The following SCFD2 variants were observed in gnomAD, a reference collection of about 807,000 sequenced individuals.
SCFD2 encodes the protein sec1 family domain containing 2, also known as sec1 family domain-containing protein 2.
A neutral mutation model predicts 58.9 loss-of-function variants in SCFD2; 54 were observed. The ratio of observed to expected loss-of-function variants is 0.92; its 90% CI spans 0.74 to 1.15. The LOEUF (loss-of-function observed/expected upper bound fraction) is 1.15, where lower values mean the gene tolerates loss of function less well. SCFD2 is among the 50% of genes most tolerant of loss of function. The pLI, the probability that SCFD2 is intolerant of heterozygous loss-of-function variation, is 0.00. For synonymous variants in SCFD2, 321 were observed against 335.9 expected (o/e 0.96, Z 0.49); for missense variants, 805 against 836.6 (o/e 0.96, Z 0.47).
intron 4 of SCFD2, among the ~76,000 whole-genome samples, chr4:53,176,735 A>C (rs1484470576): frequency 1.3e-5 from 2 of 152,128 alleles, no homozygotes; most frequent in African/African-American, 4.8e-5. Context: ...GAATCACCTG[A>C]GTTCAGGAGT....
intron 6 of SCFD2, among the ~76,000 whole-genome samples, chr4:52,916,905 G>GT: frequency 6.6e-6 from 1 of 152,186 alleles, no homozygotes; most frequent in East Asian, 1.9e-4. Context: ...GAAGTTTTTT[G>GT]TTTTTTGTTT....
intron 6 of SCFD2, among the ~76,000 whole-genome samples, chr4:52,916,680 A>G (rs1480386142): frequency 1.3e-5 from 2 of 152,212 alleles, no homozygotes; most frequent in African/African-American, 2.4e-5. Context: ...CTTTTAAAAC[A>G]AATGGGTGTC....
At chr4:53,245,622 T>A (rs1460702871) in intron 4 of SCFD2, among the ~76,000 whole-genome samples, 2 of 151,988 alleles carry the variant, frequency 1.3e-5, no homozygotes, top group Non-Finnish European at 2.9e-5. Flanking sequence ...ACAAACTAAG[T>A]ATTGCAGGAA....
chr4:53,098,500 C>A (rs956331106), intron 5 of SCFD2, among the ~76,000 whole-genome samples: 4 of 152,032 alleles, frequency 2.6e-5, no homozygotes, highest in African/African-American at 9.7e-5. Flanking sequence ...AGTTTATTTG[C>A]GCAGAGGTGT....
At chr4:52,989,835 C>G (rs1002673943) in intron 5 of SCFD2, among the ~76,000 whole-genome samples, 1 of 152,160 alleles carries the variant, frequency 6.6e-6, no homozygotes, top group South Asian at 2.1e-4. Context: ...TGCCCCCTCC[C>G]ACCATCTCTG....
At chr4:53,296,465 T>C (rs1423018813) in intron 3 of SCFD2, among the ~76,000 whole-genome samples, 4 of 152,234 alleles carry the variant, frequency 2.6e-5, no homozygotes, top group Non-Finnish European at 5.9e-5. Flanking sequence ...ATTGTATGTC[T>C]GTGGGATCGG....
At chr4:53,064,619 A>G (rs1056390679) in intron 5 of SCFD2, among the ~76,000 whole-genome samples, 1 of 152,168 alleles carries the variant, frequency 6.6e-6, no homozygotes, top group Non-Finnish European at 1.5e-5. Context: ...ACAGTAAGAC[A>G]TAGTGGTTGA....
intron 4 of SCFD2, among the ~76,000 whole-genome samples, chr4:53,247,500 CAATGAAAGACTGGATA>C (rs1190828548): frequency 1.2e-4 from 19 of 152,302 alleles, no homozygotes; most frequent in African/African-American, 4.6e-4. Flanking sequence ...AAATGCCCAT[CAATGAAAGACTGGATA>C]AAGAAAATGT....
At chr4:53,205,882 A>AAT (rs1728391443) in intron 4 of SCFD2, among the ~76,000 whole-genome samples, 2 of 152,086 alleles carry the variant, frequency 1.3e-5, no homozygotes, top group African/African-American at 4.8e-5. Flanking sequence ...AGATGGGCAA[A>AAT]AAGTTAGTAA....
At chr4:52,932,536 G>A (rs1239320934) in intron 5 of SCFD2, among the ~76,000 whole-genome samples, 2 of 152,134 alleles carry the variant, frequency 1.3e-5, no homozygotes, top group Admixed American at 1.3e-4. Flanking sequence ...GGGAATAGTA[G>A]TGTCTTTTTT....
At chr4:53,003,602 A>G (rs1385504655) in intron 5 of SCFD2, among the ~76,000 whole-genome samples, 3 of 152,222 alleles carry the variant, frequency 2.0e-5, no homozygotes, top group African/African-American at 7.2e-5. Flanking sequence ...ATTAAATGTT[A>G]GAGTAGAGTG....
chr4:52,923,061 G>A (rs917824688), intron 5 of SCFD2, among the ~76,000 whole-genome samples: 3 of 152,226 alleles, frequency 2.0e-5, no homozygotes, highest in African/African-American at 7.2e-5. Flanking sequence ...TGGCATGTGA[G>A]AAGCTCAGCT....
chr4:53,137,147 C>T (rs1725966638), intron 5 of SCFD2, among the ~76,000 whole-genome samples: 1 of 152,190 alleles, frequency 6.6e-6, no homozygotes, highest in Non-Finnish European at 1.5e-5. Flanking sequence ...AATATACACT[C>T]ATCAGATTCT....
rs554806450 is a variant in SCFD2 at position 53,261,115 on chromosome 4, T to C, written c.1311+12711A>G. Among the ~76,000 whole-genome samples the C allele has an allele frequency of 5.3e-5, 8 of 152,324 alleles. No individual in the cohort carries two copies. The South Asian group carries it at 1.7e-3, about 32-fold the overall frequency. On this transcript the variant is annotated intron_variant, in intron 4 of 8. Coordinates refer to ENST00000401642, the MANE Select transcript of SCFD2 (RefSeq NM_152540.4). The stretch of plus-strand genomic sequence containing the variant: ...TTGAGCTTATTTGGATCGTCTTTCT[T>C]CTTTTCTTGGTTAATGTCGCTAATA...
intron 4 of SCFD2, among the ~76,000 whole-genome samples, chr4:53,231,885 T>G (rs1560399574): frequency 6.6e-6 from 1 of 152,132 alleles, no homozygotes; most frequent in South Asian, 2.1e-4. Context: ...TAAAGTTTCA[T>G]GTAATTATCT....
rs201722317 is a variant in SCFD2 at position 52,873,955 on chromosome 4, T to C, written c.*14A>G. 3.9e-5 allele frequency: 63 copies of C among 1,604,214 alleles called. No individual in the cohort carries two copies. In the East Asian group the frequency reaches 1.3e-3, roughly 33 times the overall value. On this transcript the variant is annotated 3_prime_UTR_variant, in exon 9 of 9. Transcript: ENST00000401642. Reference sequence around the variant, plus strand: ...ATTTCCAGCTTGAGTAGGTCTTATCTTCTTAGCGGATGCTCAGAAGCCAAG... The same window carrying C: ...ATTTCCAGCTTGAGTAGGTCTTATCCTCTTAGCGGATGCTCAGAAGCCAAG...
chr4:53,064,223 C>T (rs28568831), intron 5 of SCFD2, among the ~76,000 whole-genome samples: 2,552 of 151,998 alleles, frequency 0.017, 76 homozygotes, highest in African/African-American at 0.059. Flanking sequence ...ATCCCCTCAC[C>T]CAGGTAGTAA....
chr4:53,124,741 C>T (rs577111922), intron 5 of SCFD2, among the ~76,000 whole-genome samples: 204 of 152,222 alleles, frequency 1.3e-3, no homozygotes, highest in African/African-American at 4.8e-3. Context: ...TGAGTTTAAA[C>T]CAAATCAGAA....
At chr4:53,066,261 T>A (rs551033276) in intron 5 of SCFD2, among the ~76,000 whole-genome samples, 124 of 152,210 alleles carry the variant, frequency 8.1e-4, no homozygotes, top group African/African-American at 2.9e-3. Context: ...GCATATAAAA[T>A]CAAACCTGTA....
Sources: gnomAD v4.1 joint callset for allele counts (sites outside exome capture counted in the v4.1 genomes callset) on GRCh38, gnomAD v4.1.1 for gene constraint, MANE v1.5 for transcripts, NCBI Gene and HGNC (gene_info 2026-07-23, HGNC 2026-07-21) for gene names.